The following HTRA1 variants were observed in gnomAD, a reference collection of about 807,000 sequenced individuals.
HTRA1 encodes HtrA serine peptidase 1.
Under a neutral mutation model 49.7 loss-of-function variants are expected in HTRA1, and 26 were observed. That is an observed-to-expected ratio of 0.52 (90% CI 0.38 to 0.73). HTRA1 has a LOEUF of 0.73. HTRA1 is among the 30% of genes least tolerant of loss of function. HTRA1 has a pLI of 0.00. For synonymous variants in HTRA1, 291 were observed against 286.9 expected (o/e 1.01, Z -0.14); for missense variants, 561 against 667.2 (o/e 0.84, Z 1.75).
At chr10:122,477,966 G>A (rs914605809) in intron 1 of HTRA1, among the ~76,000 whole-genome samples, 2 of 152,162 alleles carry the variant, frequency 1.3e-5, no homozygotes, top group East Asian at 1.9e-4. Flanking sequence ...ATAAGCTGCC[G>A]CTGACAGACC....
At chr10:122,514,071 C>A in intron 8 of HTRA1, 120 bp from the exon 9 acceptor site, 1 of 997,742 alleles carries the variant, frequency 1.0e-6, no homozygotes, top group South Asian at 1.3e-5. Context: ...AAGTTCGCCA[C>A]CGTCCAATCC....
chr10:122,471,272 T>C (rs2097486020), intron 1 of HTRA1, among the ~76,000 whole-genome samples: 1 of 152,074 alleles, frequency 6.6e-6, no homozygotes, highest in South Asian at 2.1e-4. Flanking sequence ...AGTCTGATAA[T>C]AGCAGAAGAC....
intron 3 of HTRA1, 43 bp downstream of exon 3, chr10:122,489,669 C>G: frequency 1.3e-6 from 2 of 1,568,026 alleles, no homozygotes; most frequent in Non-Finnish European, 8.7e-7. Context: ...TCAGATGCCC[C>G]GGAACACCCT....
At chr10:122,507,519 G>T in intron 5 of HTRA1, 117 bp downstream of exon 5, 1 of 809,768 alleles carries the variant, frequency 1.2e-6, no homozygotes, top group Non-Finnish European at 2.2e-6. Context: ...CAAACATAAG[G>T]TTGCCAAAGT....
chr10:122,496,224 G>GTTTTTTTTTTTTTTTT (rs1565427091), intron 3 of HTRA1, among the ~76,000 whole-genome samples: 13 of 32,102 alleles, frequency 4.0e-4, no homozygotes, highest in East Asian at 1.2e-3. Context: ...AGAGATTGTG[G>GTTTTTTTTTTTTTTTT]GTTCTTTTTT....
chr10:122,492,266 C>G (rs1290194451), intron 3 of HTRA1, among the ~76,000 whole-genome samples: 2 of 152,184 alleles, frequency 1.3e-5, no homozygotes, highest in Non-Finnish European at 2.9e-5. Flanking sequence ...CATCTGGGCC[C>G]AGCTCCTCCC....
chr10:122,478,930 C>T (rs2133430822), intron 1 of HTRA1, among the ~76,000 whole-genome samples: 1 of 152,284 alleles, frequency 6.6e-6, no homozygotes, highest in East Asian at 1.9e-4. Context: ...GAACAAAGGG[C>T]CCCACATACT....
intron 1 of HTRA1, among the ~76,000 whole-genome samples, chr10:122,486,944 T>C (rs1807919639): frequency 6.6e-6 from 1 of 151,892 alleles, no homozygotes; most frequent in African/African-American, 2.4e-5. Context: ...GCATAGTGTG[T>C]ATGTGTGAGT....
chr10:122,500,919 C>CTG (rs1343575150), intron 3 of HTRA1, among the ~76,000 whole-genome samples: 1 of 152,196 alleles, frequency 6.6e-6, no homozygotes, highest in Non-Finnish European at 1.5e-5. Context: ...TTGCCCTGCT[C>CTG]TGTGTTATAC....
At chr10:122,472,321 A>G (rs12259258) in intron 1 of HTRA1, among the ~76,000 whole-genome samples, 11,223 of 150,878 alleles carry the variant, frequency 0.074, 897 homozygotes, top group African/African-American at 0.2. Context: ...TAAGAAAAGA[A>G]GATTCATATT....
chr10:122,506,096 T>TCTTGCTCTCTTGGGTCCTGGAGGC lies in HTRA1; in HGVS notation c.778-589_778-588insCTCTTGGGTCCTGGAGGCCTTGCT, dbSNP rs1554952211. 1.3e-5 allele frequency among the ~76,000 whole-genome samples: 2 copies of TCTTGCTCTCTTGGGTCCTGGAGGC among 151,686 alleles called. No individual in the cohort carries two copies. Among genetic ancestry groups the TCTTGCTCTCTTGGGTCCTGGAGGC allele is most frequent in the East Asian group, 3.9e-4 (2 of 5,138 alleles). ...GAGGAGAGACAGCCTACCTATTCGG[T>TCTTGCTCTCTTGGGTCCTGGAGGC]CTTGCTGTCCCCATGCTCCATCCCT... On this transcript the variant is annotated intron_variant, in intron 3 of 8. Transcript: ENST00000368984. This position sits in a 1 kb window ranked among gnomAD's most constrained non-coding sequence, Gnocchi z 5.2.
At chr10:122,466,545 A>C (rs1003776840) in intron 1 of HTRA1, among the ~76,000 whole-genome samples, 8 of 152,206 alleles carry the variant, frequency 5.3e-5, no homozygotes, top group African/African-American at 1.9e-4. Context: ...CTGACCCTGT[A>C]CTGAGCTCTG....
intron 1 of HTRA1, among the ~76,000 whole-genome samples, chr10:122,462,673 A>G (rs1385349051): frequency 6.6e-6 from 1 of 152,238 alleles, no homozygotes; most frequent in Non-Finnish European, 1.5e-5. Context: ...GTTTCTCCAA[A>G]AAGTCTACCC....
chr10:122,514,123 C>A, intron 8 of HTRA1, 68 bp from the exon 9 acceptor site: 2 of 1,451,506 alleles, frequency 1.4e-6, no homozygotes, highest in Non-Finnish European at 1.9e-6. Flanking sequence ...TGCCTCTGTC[C>A]ATGTAAAGTC....
rs1268363725 is a variant in HTRA1 at position 122,506,585 on chromosome 10, TC to T, written c.778-104del. The T allele has an allele frequency of 6.9e-6, 7 of 1,009,950 alleles. No individual in the cohort carries two copies. The highest frequency in any genetic ancestry group is 1.7e-5 in the Admixed American group (1 of 57,516). 62.6% of individuals were successfully genotyped at this position (1,009,950 alleles called of 1,614,324 possible). Reference sequence around the variant, plus strand: ...TCAGTTCCCCACCGGGCCTGGTGTTTCCAAATAGCCCGTCACTGTCCCTGCT... The same window carrying T: ...TCAGTTCCCCACCGGGCCTGGTGTTTCAAATAGCCCGTCACTGTCCCTGCT... On this transcript the variant is annotated intron_variant, in intron 3 of 8. Coordinates refer to ENST00000368984, the MANE Select transcript of HTRA1 (RefSeq NM_002775.5). The surrounding 1 kb of genome is among the most constrained non-coding windows in gnomAD (Gnocchi z 5.2).
chr10:122,462,357 G>C (rs2097481876), intron 1 of HTRA1, among the ~76,000 whole-genome samples: 3 of 152,268 alleles, frequency 2.0e-5, no homozygotes, highest in Admixed American at 2.0e-4. Flanking sequence ...CAGTACGCCC[G>C]GCCTGCACTC....
intron 6 of HTRA1, among the ~76,000 whole-genome samples, chr10:122,509,495 G>A (rs1340910305): frequency 6.6e-6 from 1 of 152,216 alleles, no homozygotes; most frequent in African/African-American, 2.4e-5. Flanking sequence ...CAAGGCCCCT[G>A]AAGTGGCCTG....
chr10:122,486,940 T>G (rs1408943477), intron 1 of HTRA1, among the ~76,000 whole-genome samples: 1 of 151,878 alleles, frequency 6.6e-6, no homozygotes, highest in Non-Finnish European at 1.5e-5. Flanking sequence ...GTATGCATAG[T>G]GTGTATGTGT....
In HTRA1 at chr10:122,489,017, C is replaced by G. The variant is rs1039034840; in HGVS notation, c.572+16C>G. ...TGTTTCGCAAGTAAAGAGAGCCTTC[C>G]TTTTTCCTATAACCTCCGAAGCTTT... is the stretch of plus-strand genomic sequence containing the variant. On this transcript the variant is annotated intron_variant, in intron 2 of 8. Coordinates refer to ENST00000368984, the MANE Select transcript of HTRA1 (RefSeq NM_002775.5). 3 of 1,586,350 alleles carry G rather than the reference C, an allele frequency of 1.9e-6. No individual in the cohort carries two copies. In the African/African-American group the frequency reaches 4.0e-5, roughly 21 times the overall value.
Sources: gnomAD v4.1 joint callset for allele counts (sites outside exome capture counted in the v4.1 genomes callset) on GRCh38, gnomAD v4.1.1 for gene constraint, Gnocchi (gnomAD v3.1) non-coding constraint, MANE v1.5 for transcripts, NCBI Gene and HGNC (gene_info 2026-07-23, HGNC 2026-07-21) for gene names.